The following RAB27B variants were observed in gnomAD, a reference collection of about 807,000 sequenced individuals.
RAB27B encodes ras-related protein Rab-27B.
RAB27B carries 15 observed loss-of-function variants against 24.6 expected under a neutral mutation model. That is an observed-to-expected ratio of 0.61 (90% CI 0.41 to 0.94). The LOEUF is 0.94. RAB27B is among the 40% of genes least tolerant of loss of function. RAB27B has a pLI of 0.00. For synonymous variants in RAB27B, 105 were observed against 92.5 expected, an observed-to-expected ratio of 1.14 and a Z score of -0.78; for missense variants, 261 against 266.8, an observed-to-expected ratio of 0.98 and a Z score of 0.15.
chr18:54,801,057 G>T (rs1306315457), intron 2 of RAB27B, among the ~76,000 whole-genome samples: 1 of 131,122 alleles, frequency 7.6e-6, no homozygotes, highest in Non-Finnish European at 1.6e-5. Context: ...CTGTTGCCCA[G>T]GCTGGAGTGC....
rs527928245 is a variant in RAB27B, at chr18:54,886,224, C to T, written c.344-1771C>T. Among the ~76,000 whole-genome samples, 25 of 152,238 alleles carry T rather than the reference C, an allele frequency of 1.6e-4. No homozygotes were observed. In the South Asian group the frequency reaches 4.1e-3, roughly 25 times the overall value. On this transcript the variant is annotated intron_variant, in intron 4 of 5. Coordinates refer to ENST00000262094, the MANE Select transcript of RAB27B (RefSeq NM_004163.4). ...CCCTCAACACGCTTTAGAGTTCATT[C>T]AGTCCCAGCCATCACCTGACATGAT... is the stretch of plus-strand genomic sequence containing the variant.
At chr18:54,855,172 A>T (rs1911732293) in intron 1 of RAB27B, among the ~76,000 whole-genome samples, 1 of 152,150 alleles carries the variant, frequency 6.6e-6, no homozygotes, top group Non-Finnish European at 1.5e-5. Context: ...TCACAATAGA[A>T]TTCATGCTCC....
intron 2 of RAB27B, among the ~76,000 whole-genome samples, chr18:54,722,943 CA>C (rs1242279528): frequency 1.3e-5 from 2 of 152,122 alleles, no homozygotes; most frequent in African/African-American, 2.4e-5. Context: ...CTTTATCAAA[CA>C]AAAGTCAAAA....
At chr18:54,886,250 G>A (rs897900213) in intron 4 of RAB27B, among the ~76,000 whole-genome samples, 1 of 152,114 alleles carries the variant, frequency 6.6e-6, no homozygotes, top group African/African-American at 2.4e-5. Context: ...CTGACATGAT[G>A]TGATGTATTT....
intron 2 of RAB27B, chr18:54,744,768 C>T (rs910560106): frequency 6.1e-6 from 1 of 163,306 alleles, no homozygotes; most frequent in South Asian, 1.7e-4. Flanking sequence ...CCTGTGATGT[C>T]CTGAACATGA....
intron 1 of RAB27B, among the ~76,000 whole-genome samples, chr18:54,863,371 G>A (rs983469511): frequency 3.9e-5 from 6 of 152,136 alleles, no homozygotes; most frequent in Non-Finnish European, 8.8e-5. Context: ...GGTTTCAGGA[G>A]GGTATTATTG....
intron 2 of RAB27B, among the ~76,000 whole-genome samples, chr18:54,807,523 A>C (rs2145142819): frequency 6.6e-6 from 1 of 152,316 alleles, no homozygotes; most frequent in South Asian, 2.1e-4. Context: ...CTAAGTCTCC[A>C]GCCTTTGACA....
chr18:54,799,472 A>C (rs1405489642), intron 2 of RAB27B, among the ~76,000 whole-genome samples: 1 of 152,148 alleles, frequency 6.6e-6, no homozygotes, highest in African/African-American at 2.4e-5. Flanking sequence ...TTATAAATTT[A>C]AATATATATG....
intron 1 of RAB27B, among the ~76,000 whole-genome samples, chr18:54,862,660 G>C (rs1912053797): frequency 6.6e-6 from 1 of 152,216 alleles, no homozygotes; most frequent in South Asian, 2.1e-4. Flanking sequence ...TATCCAGAGA[G>C]TCCCTCGAGT....
At chr18:54,806,123 G>T (rs1909783777) in intron 2 of RAB27B, among the ~76,000 whole-genome samples, 1 of 152,160 alleles carries the variant, frequency 6.6e-6, no homozygotes, top group Non-Finnish European at 1.5e-5. Context: ...CATTGTGCTA[G>T]TGCTTCCTTT....
At chr18:54,838,208 TA>T (rs1443291443) in intron 1 of RAB27B, among the ~76,000 whole-genome samples, 1 of 152,144 alleles carries the variant, frequency 6.6e-6, no homozygotes, top group Admixed American at 6.5e-5. Context: ...CTTGATGTTC[TA>T]AAAAAATTAC....
At chr18:54,871,240 G>A (rs1425733946) in intron 1 of RAB27B, among the ~76,000 whole-genome samples, 4 of 152,114 alleles carry the variant, frequency 2.6e-5, no homozygotes, top group African/African-American at 7.2e-5. Context: ...CCTCAGAAAC[G>A]TGCCTTCTGT....
intron 1 of RAB27B, among the ~76,000 whole-genome samples, chr18:54,861,138 C>T (rs1273626598): frequency 2.0e-5 from 3 of 152,106 alleles, no homozygotes; most frequent in Admixed American, 1.3e-4. Flanking sequence ...ATTAGTTTGC[C>T]CTTTCTCAGA....
At chr18:54,722,799 T>G (rs950150147) in intron 2 of RAB27B, among the ~76,000 whole-genome samples, 2 of 152,194 alleles carry the variant, frequency 1.3e-5, no homozygotes, top group Non-Finnish European at 2.9e-5. Context: ...GGTGTGATTT[T>G]AAGTATTTTC....
intron 1 of RAB27B, among the ~76,000 whole-genome samples, chr18:54,835,829 A>G (rs1450381856): frequency 2.0e-5 from 3 of 151,948 alleles, no homozygotes; most frequent in Non-Finnish European, 2.9e-5. Context: ...GGCCTATACA[A>G]TCTCCCCAGA....
At position 54,754,960 on chromosome 18, in the gene RAB27B, C is replaced by G. The variant is rs554046398; in HGVS notation, c.-20+36819C>G. 5.3e-5 allele frequency among the ~76,000 whole-genome samples: 8 copies of G among 152,188 alleles called. No individual in the cohort carries two copies. In the East Asian group the frequency reaches 1.5e-3, roughly 29 times the overall value. The stretch of plus-strand genomic sequence containing the variant: ...TCTGGCTCTCCTAGGCTCCTGCATC[C>G]CTGACATTATTGCTATTAGGATGAT... On this transcript the variant is annotated intron_variant, in intron 2 of 4. Coordinates refer to the RAB27B transcript ENST00000586570.
At chr18:54,758,497 G>A (rs1908075893) in intron 2 of RAB27B, among the ~76,000 whole-genome samples, 1 of 152,010 alleles carries the variant, frequency 6.6e-6, no homozygotes, top group African/African-American at 2.4e-5. Flanking sequence ...GGATACAAAA[G>A]GTAGAAAAAT....
At chr18:54,880,465 T>G (rs991216344) in intron 3 of RAB27B, 1 of 152,226 alleles carries the variant, frequency 6.6e-6, no homozygotes, top group African/African-American at 2.4e-5. Flanking sequence ...TGTCTTAGAA[T>G]GCTTATGCTT....
intron 1 of RAB27B, among the ~76,000 whole-genome samples, chr18:54,839,245 T>A (rs1911015038): frequency 6.6e-6 from 1 of 152,166 alleles, no homozygotes; most frequent in African/African-American, 2.4e-5. Context: ...GGTTCAAGTC[T>A]AGGCTATTGT....
Sources: gnomAD v4.1 joint callset for allele counts (sites outside exome capture counted in the v4.1 genomes callset) on GRCh38, gnomAD v4.1.1 for gene constraint, MANE v1.5 for transcripts, NCBI Gene and HGNC (gene_info 2026-07-23, HGNC 2026-07-21) for gene names.